The following PTPN2 variants were observed in gnomAD, a reference collection of about 807,000 sequenced individuals.
The protein encoded by PTPN2 is protein tyrosine phosphatase non-receptor type 2.
In PTPN2, 19 loss-of-function variants were observed where a neutral mutation model predicts 57.3. That is an observed-to-expected ratio of 0.33 (90% CI 0.23 to 0.49). The LOEUF is 0.49. PTPN2 is among the 20% of genes least tolerant of loss of function. PTPN2 has a pLI of 0.99. For synonymous variants in PTPN2, 153 were observed against 164.9 expected, an observed-to-expected ratio of 0.93 and a Z score of 0.55; for missense variants, 358 against 501.1, an observed-to-expected ratio of 0.71 and a Z score of 2.73.
chr18:12,821,122 TTTAGGTATATA>T lies in PTPN2; in HGVS notation c.496-3768_496-3758del, dbSNP rs532000117. Among the ~76,000 whole-genome samples, 521 of 152,320 alleles carry T rather than the reference TTTAGGTATATA, an allele frequency of 3.4e-3. 8 individuals carry two copies. Among genetic ancestry groups the T allele is most frequent in the African/African-American group, 0.012 (494 of 41,578 alleles). Reference sequence around the variant, plus strand: ...ACCCCAGGCCCAATTACTTTCACACTTTAGGTATATATGGAAGGTACCAAGATTTTGTTTCT... The same window carrying T: ...ACCCCAGGCCCAATTACTTTCACACTTGGAAGGTACCAAGATTTTGTTTCT... On this transcript the variant is annotated intron_variant, in intron 5 of 8. Transcript: ENST00000309660.
At chr18:12,804,295 A>AAAG (rs1021577579) in intron 7 of PTPN2, among the ~76,000 whole-genome samples, 1 of 150,044 alleles carries the variant, frequency 6.7e-6, no homozygotes, top group Non-Finnish European at 1.5e-5. Flanking sequence ...GTCTCAAAAA[A>AAAG]AAAAAAAAAA....
chr18:12,873,938 C>T (rs1441244973), intron 1 of PTPN2, among the ~76,000 whole-genome samples: 8 of 148,496 alleles, frequency 5.4e-5, no homozygotes, highest in African/African-American at 1.8e-4. Context: ...TGCCCGGTCG[C>T]GACCCCGTCT....
intron 2 of PTPN2, among the ~76,000 whole-genome samples, chr18:12,851,735 A>G (rs2043402966): frequency 6.6e-6 from 1 of 152,238 alleles, no homozygotes; most frequent in Non-Finnish European, 1.5e-5. Context: ...CCGAAAGCAT[A>G]GAAGTTTTCC....
chr18:12,794,184 T>C lies in PTPN2; in HGVS notation c.*94A>G. ...TGATGTCTATTCTACTGCACCGTTT[T>C]TGGGATATGAGGCGTTTGCTGCAGA... is the stretch of plus-strand genomic sequence containing the variant. On this transcript the variant is annotated 3_prime_UTR_variant, in exon 9 of 9. Coordinates refer to ENST00000309660, the MANE Select transcript of PTPN2 (RefSeq NM_002828.4). The C allele has an allele frequency of 1.3e-6, 2 of 1,558,540 alleles. No individual in the cohort carries two copies. The highest frequency in any genetic ancestry group is 2.5e-5 in the South Asian group (2 of 80,260).
At position 12,878,250 on chromosome 18, in the gene PTPN2, G is replaced by C. The variant is rs187256629; in HGVS notation, c.69+5823C>G. ...GAGGATGTCTAAAGCCCAAGAGGTC[G>C]AGACTGCAGTGAGCTGAGATCACGC... is the stretch of plus-strand genomic sequence containing the variant. On this transcript the variant is annotated intron_variant, in intron 1 of 8. Transcript: ENST00000309660. Among the ~76,000 whole-genome samples the C allele has an allele frequency of 7.2e-5, 11 of 151,810 alleles. No homozygotes were observed. In the East Asian group the frequency reaches 1.4e-3, roughly 19 times the overall value.
At chr18:12,860,408 C>G (rs2043759925) in intron 1 of PTPN2, among the ~76,000 whole-genome samples, 1 of 151,782 alleles carries the variant, frequency 6.6e-6, no homozygotes, top group Non-Finnish European at 1.5e-5. Flanking sequence ...ACCAGCCTGG[C>G]CAGGATGGTG....
downstream of PTPN2, among the ~76,000 whole-genome samples, chr18:12,791,410 TTAA>T (rs1377461278): frequency 2.6e-5 from 4 of 152,154 alleles, no homozygotes; most frequent in African/African-American, 9.7e-5. Context: ...TAGAAAATAT[TTAA>T]TATTATGAGG....
At chr18:12,878,177 A>T (rs1219629603) in intron 1 of PTPN2, among the ~76,000 whole-genome samples, 1 of 152,018 alleles carries the variant, frequency 6.6e-6, no homozygotes, top group Admixed American at 6.6e-5. Flanking sequence ...TCTCTACAAA[A>T]AATACAAAAA....
intron 5 of PTPN2, among the ~76,000 whole-genome samples, chr18:12,820,761 A>G (rs2145332703): frequency 6.6e-6 from 1 of 152,246 alleles, no homozygotes; most frequent in African/African-American, 2.4e-5. Flanking sequence ...GCCGTTCCAC[A>G]CATGCCTGCC....
At chr18:12,870,574 T>C (rs1266246186) in intron 1 of PTPN2, among the ~76,000 whole-genome samples, 1 of 136,750 alleles carries the variant, frequency 7.3e-6, no homozygotes, top group African/African-American at 2.8e-5. Flanking sequence ...AGTGGCGCGA[T>C]CTTGGCTTAC....
At chr18:12,795,172 C>CT (rs2041126102) in intron 8 of PTPN2, among the ~76,000 whole-genome samples, 1 of 152,214 alleles carries the variant, frequency 6.6e-6, no homozygotes, top group Non-Finnish European at 1.5e-5. Flanking sequence ...GGTTAAGGCT[C>CT]TTATAAAAGC....
chr18:12,864,946 T>C (rs2043941642), intron 1 of PTPN2, among the ~76,000 whole-genome samples: 1 of 141,240 alleles, frequency 7.1e-6, no homozygotes, highest in Non-Finnish European at 1.6e-5. Flanking sequence ...TAACTGTGCC[T>C]AAATGGTACT....
At position 12,792,927 on chromosome 18, in the gene PTPN2, A is replaced by C. The variant is rs2145213124; in HGVS notation, c.*1351T>G. On this transcript the variant is annotated 3_prime_UTR_variant, in exon 9 of 9. Transcript: ENST00000309660. ...AAATGATAACTGCCCCCTTTAAAAT[A>C]CTTAAGCCTTATGCAGAAATCTTAT... 1.0e-6 allele frequency: 1 copy of C among 984,918 alleles called. No individual in the cohort carries two copies. Among genetic ancestry groups the C allele is most frequent in the East Asian group, 1.1e-4 (1 of 8,814 alleles). 61.0% of individuals were successfully genotyped at this position (984,918 alleles called of 1,614,324 possible). A position where few individuals can be genotyped will look rare whatever the true frequency, so the allele number is the denominator to read the frequency against.
rs568906607 is a variant in PTPN2, at chr18:12,817,207, T to C, written c.654A>G (p.Ala218=). The change falls in exon 6 of 9, where the codon GCA becomes GCG. Residue 218 remains alanine (A), a synonymous_variant. Coordinates refer to ENST00000309660, the MANE Select transcript of PTPN2 (RefSeq NM_002828.4). ...AGAAGGTGCCAGAGCGCCCAATGCC[T>C]GCACTACAGTGGATCACCGCAGGCC... ...DHGPAVIHCS[A]GIGRSGTFSL... is the part of the protein sequence containing the mutation. The C allele has an allele frequency of 1.2e-6, 2 of 1,614,138 alleles. No individual in the cohort carries two copies. Among genetic ancestry groups the C allele is most frequent in the South Asian group, 2.2e-5 (2 of 91,072 alleles).
intron 6 of PTPN2, 78 bp from the exon 7 acceptor site, chr18:12,814,433 G>C (rs1016080052): frequency 1.4e-5 from 18 of 1,261,070 alleles, no homozygotes; most frequent in Admixed American, 2.8e-5. Flanking sequence ...TCATTGCTAA[G>C]ATTTTTGCTA....
intron 7 of PTPN2, among the ~76,000 whole-genome samples, chr18:12,813,842 T>A (rs2041977295): frequency 6.6e-6 from 1 of 152,242 alleles, no homozygotes; most frequent in African/African-American, 2.4e-5. Context: ...AGTTGCTTGT[T>A]GTTATAAAGT....
intron 1 of PTPN2, among the ~76,000 whole-genome samples, chr18:12,881,168 C>T (rs2044655837): frequency 1.3e-5 from 2 of 152,310 alleles, no homozygotes; most frequent in East Asian, 1.9e-4. Flanking sequence ...AGAGCAGTGG[C>T]TCATGCCTGT....
intron 1 of PTPN2, among the ~76,000 whole-genome samples, chr18:12,880,209 C>T (rs2044622689): frequency 6.6e-6 from 1 of 152,134 alleles, no homozygotes; most frequent in African/African-American, 2.4e-5. Context: ...AAGAGAACAA[C>T]ATTTACAAAC....
At chr18:12,791,034 C>T (rs1441592501), downstream of PTPN2, among the ~76,000 whole-genome samples, 1 of 152,126 alleles carries the variant, frequency 6.6e-6, no homozygotes, top group African/African-American at 2.4e-5. Context: ...TTTCTTAACC[C>T]TTTAAGAATG....
Sources: gnomAD v4.1 joint callset for allele counts (sites outside exome capture counted in the v4.1 genomes callset) on GRCh38, gnomAD v4.1.1 for gene constraint, MANE v1.5 for transcripts, NCBI Gene and HGNC (gene_info 2026-07-23, HGNC 2026-07-21) for gene names.